Variants in ARHGAP9 observed in about 807,000 individuals in gnomAD.
ARHGAP9 encodes the protein rho GTPase-activating protein 9.
ARHGAP9 carries 76 observed loss-of-function variants against 87.3 expected under a neutral mutation model. The observed-to-expected ratio is 0.87, with a 90% CI of 0.72 to 1.05. The LOEUF (loss-of-function observed/expected upper bound fraction) is 1.05. ARHGAP9 is among the 50% of genes least tolerant of loss of function. The pLI is 0.00. For missense variants in ARHGAP9, 941 were observed against 960.5 expected (o/e 0.98, Z 0.27); for synonymous variants, 382 against 394.9 (o/e 0.97, Z 0.39).
At chr12:57,474,742 G>C in intron 13 of ARHGAP9, 39 bp from the exon 14 acceptor site, 1 of 1,611,826 alleles carries the variant, frequency 6.2e-7, no homozygotes, top group Non-Finnish European at 8.5e-7. Flanking sequence ...ACTGCTGCTT[G>C]AAAGTGTGTG....
At chr12:57,477,863 C>T in intron 3 of ARHGAP9, 183 bp from the exon 4 acceptor site, 1 of 1,423,396 alleles carries the variant, frequency 7.0e-7, no homozygotes, top group Non-Finnish European at 9.2e-7. Context: ...AATTCTCTCT[C>T]TCACAGTTTT....
At chr12:57,488,301 A>G (rs1875615330) in intron 1 of ARHGAP9, 4 of 1,033,478 alleles carry the variant, frequency 3.9e-6, no homozygotes, top group Admixed American at 2.2e-5. Flanking sequence ...CTCGCCACAC[A>G]CCCCAATCGA....
At chr12:57,474,201 G>A in intron 15 of ARHGAP9, 25 bp from the exon 16 acceptor site, 1 of 1,602,308 alleles carries the variant, frequency 6.2e-7, no homozygotes, top group Non-Finnish European at 8.5e-7. Context: ...AGGTATAGGG[G>A]CTCATGAAGG....
upstream of ARHGAP9, among the ~76,000 whole-genome samples, chr12:57,483,218 A>ATT (rs1875158152): frequency 6.6e-6 from 1 of 152,192 alleles, no homozygotes; most frequent in Non-Finnish European, 1.5e-5. Flanking sequence ...AGTATGCCCT[A>ATT]TTTCCCATGC....
chr12:57,473,210 C>T (rs553966467), intron 17 of ARHGAP9, among the ~76,000 whole-genome samples: 7 of 152,118 alleles, frequency 4.6e-5, no homozygotes, highest in African/African-American at 7.2e-5. Context: ...GTCAGGAGTT[C>T]GAGACCAGCC....
At chr12:57,474,571 A>G (rs1272385645) in intron 14 of ARHGAP9, 55 bp downstream of exon 14, 2 of 1,612,962 alleles carry the variant, frequency 1.2e-6, no homozygotes, top group Non-Finnish European at 1.7e-6. Flanking sequence ...AGGACCGCCC[A>G]TGGTTCTCAG....
chr12:57,475,795 C>T, intron 10 of ARHGAP9, 38 bp downstream of exon 10: 2 of 1,606,826 alleles, frequency 1.2e-6, no homozygotes, highest in Non-Finnish European at 1.7e-6. Context: ...TTGGTCCCGG[C>T]CGGTCGGAGC....
intron 3 of ARHGAP9, chr12:57,477,883 TCTC>T (rs1874376097): frequency 7.3e-7 from 1 of 1,371,934 alleles, no homozygotes; most frequent in South Asian, 1.5e-5. Flanking sequence ...TCTTTGCTCT[TCTC>T]CTCACTTCCT....
At chr12:57,475,126 TCAAA>T (rs1217801094) in intron 12 of ARHGAP9, 153 bp from the exon 13 acceptor site, 3 of 1,117,026 alleles carry the variant, frequency 2.7e-6, no homozygotes, top group Non-Finnish European at 3.8e-6. Context: ...TTCCCCTGCT[TCAAA>T]CAATCTGGCA....
At chr12:57,480,904 T>C, upstream of ARHGAP9, 1 of 1,441,914 alleles carries the variant, frequency 6.9e-7, no homozygotes. Flanking sequence ...GAGAGCCAGC[T>C]CTCTTCCCCT....
intron 16 of ARHGAP9, 127 bp downstream of exon 16, chr12:57,473,915 T>C: frequency 7.1e-7 from 1 of 1,410,874 alleles, no homozygotes; most frequent in Non-Finnish European, 9.4e-7. Context: ...AGTAGGCACC[T>C]GAGTTGAACA....
chr12:57,476,011 G>A, intron 9 of ARHGAP9, 60 bp downstream of exon 9: 1 of 1,511,318 alleles, frequency 6.6e-7, no homozygotes, highest in Non-Finnish European at 8.8e-7. Flanking sequence ...GGCCTGCGCG[G>A]GAGATTGGGG....
intron 1 of ARHGAP9, among the ~76,000 whole-genome samples, chr12:57,486,166 TTAAAA>T (rs1362168316): frequency 6.6e-6 from 1 of 152,234 alleles, no homozygotes; most frequent in Non-Finnish European, 1.5e-5. Flanking sequence ...TTAATTATTC[TTAAAA>T]TAATATAAAG....
upstream of ARHGAP9, among the ~76,000 whole-genome samples, chr12:57,481,511 A>G (rs1467904509): frequency 6.6e-6 from 1 of 151,832 alleles, no homozygotes; most frequent in African/African-American, 2.4e-5. Flanking sequence ...TCAGCCTCCC[A>G]AAGTGCTGGG....
chr12:57,477,410 G>A (rs961973329), intron 4 of ARHGAP9, 49 bp downstream of exon 4: 2 of 1,594,480 alleles, frequency 1.3e-6, no homozygotes, highest in African/African-American at 1.3e-5. Flanking sequence ...TTCATCAGGG[G>A]AAGGAAGAGC....
In ARHGAP9 at chr12:57,478,650, T is replaced by G; in HGVS notation, c.424A>C (p.Ser142Arg). 1 of 1,614,150 alleles carries G rather than the reference T, an allele frequency of 6.2e-7. No individual in the cohort carries two copies. The highest frequency in any genetic ancestry group is 1.3e-5 in the African/African-American group (1 of 75,040). ...GGGCTCAGATTGTCAGTGCTGACGC[T>G]CCTACACATTTTGCGGGGAAGTGGA... The part of the protein sequence containing the change: ...PPPLPRKMCR[S>R]VSTDNLSPSL... Residue 142 changes from serine to arginine, a missense_variant, in exon 3 of 18, where the codon AGC becomes CGC. Coordinates refer to ENST00000393791, the MANE Select transcript of ARHGAP9 (RefSeq NM_032496.4).
rs145403284 is a variant in ARHGAP9, at chr12:57,476,893, G to A, written c.941C>T (p.Pro314Leu). The A allele has an allele frequency of 2.2e-5, 35 of 1,613,956 alleles. No homozygotes were observed. The East Asian group carries it at 4.7e-4, about 22-fold the overall frequency. The change falls in exon 6 of 18, where the codon CCG (proline) becomes CTG (leucine). Residue 314 changes from proline to leucine, a missense_variant. Physicochemically the swap from Pro to Leu is moderately conservative, Grantham distance 98. Transcript: ENST00000393791. The part of the protein sequence containing the change: ...PPALQAPRPL[P>L]QLLDDPHEVE... The stretch of plus-strand genomic sequence containing the variant: ...CACATGGGGGTCGTCCAGGAGCTGC[G>A]GCAGAGGTCGAGGGGCCTGCAAGGC...
intron 1 of ARHGAP9, chr12:57,487,339 T>A (rs1055610569): frequency 6.6e-6 from 1 of 152,138 alleles, no homozygotes; most frequent in African/African-American, 2.4e-5. Context: ...ACTTTGTCAC[T>A]AATTCCGCAC....
In ARHGAP9 at chr12:57,474,447, C is replaced by T; in HGVS notation, c.1759G>A (p.Val587Met). The change falls in exon 15 of 18, where the codon GTG becomes ATG. Residue 587 changes from valine to methionine, a missense_variant. Transcript: ENST00000393791. The part of the protein sequence containing the change: ...ERAVTSDGRY[V>M]FPEQPGQEGR... Reference sequence around the variant, plus strand: ...CCTTGTCCTGGCTGTTCTGGGAACACATACCTCCCATCGGAGGTGACCGCA... The same window carrying T: ...CCTTGTCCTGGCTGTTCTGGGAACATATACCTCCCATCGGAGGTGACCGCA... 6.2e-7 allele frequency: 1 copy of T among 1,614,188 alleles called. No homozygotes were observed. Among genetic ancestry groups the T allele is most frequent in the South Asian group, 1.1e-5 (1 of 91,084 alleles).
Sources: allele counts gnomAD v4.1 joint callset (sites outside exome capture counted in the v4.1 genomes callset), GRCh38; gene constraint gnomAD v4.1.1; transcripts MANE v1.5; gene names NCBI Gene and HGNC (gene_info 2026-07-23, HGNC 2026-07-21).